The following PRKG1 variants were observed in gnomAD, a reference collection of about 807,000 sequenced individuals.
PRKG1 encodes cGMP-dependent protein kinase 1.
A neutral mutation model predicts 88.1 loss-of-function variants in PRKG1; 35 were observed. That is an observed-to-expected ratio of 0.40 (90% CI 0.30 to 0.53). The LOEUF is 0.53. Among genes scored for constraint, PRKG1 ranks in the 20% least tolerant of loss-of-function variants. The probability of loss-of-function intolerance (pLI) is 0.59; values close to 1 mark genes in which losing one functional copy is unlikely to be tolerated. For missense variants in PRKG1, 540 were observed against 839.8 expected, an observed-to-expected ratio of 0.64 and a Z score of 4.41; for synonymous variants, 303 against 292.5, an observed-to-expected ratio of 1.04 and a Z score of -0.37.
At chr10:51,359,321 T>G (rs1332647526) in intron 2 of PRKG1, among the ~76,000 whole-genome samples, 1 of 151,850 alleles carries the variant, frequency 6.6e-6, no homozygotes, top group Non-Finnish European at 1.5e-5. Flanking sequence ...TTTAGCCACT[T>G]TAATAGTCCT....
At chr10:52,196,422 T>C (rs1317887985) in intron 9 of PRKG1, among the ~76,000 whole-genome samples, 2 of 152,188 alleles carry the variant, frequency 1.3e-5, no homozygotes, top group Non-Finnish European at 2.9e-5. Flanking sequence ...TGTTATTCCC[T>C]GGGAAGTATT....
chr10:51,514,100 C>T (rs1468467100), intron 3 of PRKG1, among the ~76,000 whole-genome samples: 1 of 143,556 alleles, frequency 7.0e-6, no homozygotes, highest in Non-Finnish European at 1.5e-5. Context: ...AGACCGCTAG[C>T]AAGACTAATA....
At chr10:51,030,153 C>T (rs1843263967) in intron 1 of PRKG1, among the ~76,000 whole-genome samples, 1 of 151,974 alleles carries the variant, frequency 6.6e-6, no homozygotes, top group African/African-American at 2.4e-5. Flanking sequence ...GTAAATTGAA[C>T]ACTGTATTTA....
At chr10:51,862,765 T>C (rs1166852851) in intron 4 of PRKG1, among the ~76,000 whole-genome samples, 1 of 152,118 alleles carries the variant, frequency 6.6e-6, no homozygotes, top group African/African-American at 2.4e-5. Context: ...GCCTAGGAAT[T>C]TGTCTGCCTC....
At chr10:51,736,527 A>G (rs1426471196) in intron 3 of PRKG1, among the ~76,000 whole-genome samples, 2 of 151,812 alleles carry the variant, frequency 1.3e-5, no homozygotes, top group Admixed American at 6.6e-5. Context: ...CACAATTTAG[A>G]TTTTACCACT....
At chr10:52,130,266 A>G (rs538820831) in intron 7 of PRKG1, among the ~76,000 whole-genome samples, 2 of 152,170 alleles carry the variant, frequency 1.3e-5, no homozygotes, top group Admixed American at 6.5e-5. Context: ...AAAATTTTCT[A>G]TTTCTGTTAA....
intron 2 of PRKG1, among the ~76,000 whole-genome samples, chr10:51,362,071 G>T (rs1042259706): frequency 6.6e-6 from 1 of 151,770 alleles, no homozygotes; most frequent in African/African-American, 2.4e-5. Flanking sequence ...TTGTGAAGTG[G>T]ATTTACATTT....
rs535357065 is a variant in PRKG1, at chr10:51,588,973, T to C, written c.592+121137T>C. 1.2e-3 allele frequency among the ~76,000 whole-genome samples: 186 copies of C among 152,308 alleles called. 1 individual carries two copies. Among genetic ancestry groups the C allele is most frequent in the Non-Finnish European group, 2.4e-3 (160 of 68,028 alleles). ...GATAGATACCAAATAAAAATTTGCA[T>C]GCAGCTGTTTTTTTGGAGAGGGTTA... On this transcript the variant is annotated intron_variant, in intron 3 of 17. Coordinates refer to ENST00000373980, the MANE Select transcript of PRKG1 (RefSeq NM_006258.4).
chr10:52,122,515 T>C (rs1455349680), intron 7 of PRKG1, among the ~76,000 whole-genome samples: 1 of 152,236 alleles, frequency 6.6e-6, no homozygotes, highest in East Asian at 1.9e-4. Context: ...ACCAGATTTA[T>C]GTTAATTCAT....
intron 7 of PRKG1, among the ~76,000 whole-genome samples, chr10:52,084,487 T>C (rs1308948919): frequency 6.6e-6 from 1 of 152,042 alleles, no homozygotes; most frequent in Non-Finnish European, 1.5e-5. Flanking sequence ...GAAACTCCCT[T>C]ATACATTTAC....
Position 51,059,089 on chromosome 10 carries a change from A to G in PRKG1, c.266+67445A>G, listed in dbSNP as rs146776918. On this transcript the variant is annotated intron_variant, in intron 1 of 17. Transcript: ENST00000401604. ...TTAACCTTTAACATAAAATTTCTGTATGCTGACCTCAAATTTACTTATTTT... is the reference window on the plus strand; with the variant it reads ...TTAACCTTTAACATAAAATTTCTGTGTGCTGACCTCAAATTTACTTATTTT... Among the ~76,000 whole-genome samples the G allele has an allele frequency of 4.5e-4, 68 of 152,334 alleles. No homozygotes were observed. In the East Asian group the frequency reaches 0.01, roughly 23 times the overall value.
intron 2 of PRKG1, among the ~76,000 whole-genome samples, chr10:51,186,961 T>TATAC (rs1201732120): frequency 2.4e-3 from 143 of 59,168 alleles, no homozygotes; most frequent in African/African-American, 5.1e-3. Flanking sequence ...GTGTTATATA[T>TATAC]ATATATATAT....
intron 10 of PRKG1, among the ~76,000 whole-genome samples, chr10:52,258,293 T>C (rs1392056876): frequency 7.2e-6 from 1 of 139,424 alleles, no homozygotes; most frequent in Non-Finnish European, 1.6e-5. Context: ...ATAAAACAGC[T>C]CTTACAAAAG....
intron 7 of PRKG1, among the ~76,000 whole-genome samples, chr10:52,091,404 G>A (rs7477839): frequency 0.31 from 46,952 of 151,984 alleles, 7,620 homozygotes; most frequent in African/African-American, 0.41. Flanking sequence ...GCCATATAAC[G>A]TAACCCAATA....
chr10:52,227,959 C>T (rs1486805258), intron 9 of PRKG1, among the ~76,000 whole-genome samples: 1 of 152,100 alleles, frequency 6.6e-6, no homozygotes, highest in Non-Finnish European at 1.5e-5. Flanking sequence ...TTTCCCTTTC[C>T]AGAGGAAGTT....
intron 1 of PRKG1, among the ~76,000 whole-genome samples, chr10:51,032,055 G>T (rs929688335): frequency 5.3e-5 from 8 of 152,156 alleles, no homozygotes; most frequent in Non-Finnish European, 7.4e-5. Context: ...GAAGTTGAGT[G>T]GGGGGAACTG....
chr10:51,681,686 C>CT (rs573119835), intron 3 of PRKG1, among the ~76,000 whole-genome samples: 277 of 152,034 alleles, frequency 1.8e-3, no homozygotes, highest in African/African-American at 6.5e-3. Context: ...TTCATAAAAT[C>CT]TTTTTTTAAT....
At chr10:51,023,212 G>A (rs1215354211) in intron 1 of PRKG1, among the ~76,000 whole-genome samples, 1 of 152,120 alleles carries the variant, frequency 6.6e-6, no homozygotes, top group African/African-American at 2.4e-5. Flanking sequence ...AAGCTAGGGG[G>A]CAAAATTATA....
At chr10:51,561,300 A>T (rs1837454911) in intron 3 of PRKG1, among the ~76,000 whole-genome samples, 1 of 151,982 alleles carries the variant, frequency 6.6e-6, no homozygotes, top group Non-Finnish European at 1.5e-5. Context: ...ACTGCACTCC[A>T]GCCTGGGTGA....
Sources: allele counts gnomAD v4.1 joint callset (sites outside exome capture counted in the v4.1 genomes callset), GRCh38; gene constraint gnomAD v4.1.1; transcripts MANE v1.5; gene names NCBI Gene and HGNC (gene_info 2026-07-23, HGNC 2026-07-21).